Variants in SECISBP2 observed in about 807,000 individuals in gnomAD.
The protein encoded by SECISBP2 is SECIS binding protein 2.
A neutral mutation model predicts 98.2 loss-of-function variants in SECISBP2; 96 were observed. The observed-to-expected ratio is 0.98, with a 90% CI of 0.83 to 1.16. The LOEUF (loss-of-function observed/expected upper bound fraction) is 1.16, where lower values mean the gene tolerates loss of function less well. SECISBP2 is among the 50% of genes most tolerant of loss of function. SECISBP2 has a pLI of 0.00. For synonymous variants in SECISBP2, 407 were observed against 370.2 expected (o/e 1.10, Z -1.14); for missense variants, 1,046 against 1,022.9 (o/e 1.02, Z -0.31).
Position 89,332,976 on chromosome 9 carries a change from A to C in SECISBP2, c.870A>C (p.Ser290=), listed in dbSNP as rs147882471. Residue 290 remains serine (S), a synonymous_variant, in exon 6 of 17, where the codon TCA becomes TCC. Transcript: ENST00000375807. ...CTAATGCCGCTACCAATTCTCCTTC[A>C]TGTACAAGAGGTAAAAGTGGCTGCA... is the stretch of plus-strand genomic sequence containing the variant. ...VTANAATNSP[S]CTRELSWTPM... 68 of 1,613,556 alleles carry C rather than the reference A, an allele frequency of 4.2e-5. No individual in the cohort carries two copies. The highest frequency in any genetic ancestry group is 1.5e-4 in the African/African-American group (11 of 74,914).
At chr9:89,365,056 G>A in the SECISBP2 span, 1 of 152,464 alleles carries the variant, frequency 6.6e-6, no homozygotes, top group African/African-American at 2.4e-5. Flanking sequence ...TGTTGGGACA[G>A]GCTCAACTCC....
chr9:89,363,385 C>T (rs751947018), downstream of SECISBP2: 1 of 1,601,708 alleles, frequency 6.2e-7, no homozygotes, highest in South Asian at 1.1e-5. Flanking sequence ...GGTGCCCTGC[C>T]CCTGGCTCCA....
At chr9:89,342,486 G>A (rs749665864) in intron 10 of SECISBP2, among the ~76,000 whole-genome samples, 12 of 152,164 alleles carry the variant, frequency 7.9e-5, no homozygotes, top group Non-Finnish European at 1.6e-4. Flanking sequence ...GTTTGTTATG[G>A]CATTATTCAC....
chr9:89,353,277 T>G (rs1402132997), intron 14 of SECISBP2, among the ~76,000 whole-genome samples: 1 of 152,200 alleles, frequency 6.6e-6, no homozygotes, highest in East Asian at 1.9e-4. Flanking sequence ...TAGGATGATG[T>G]GGTTGGGCTG....
intron 14 of SECISBP2, among the ~76,000 whole-genome samples, chr9:89,356,015 G>A (rs183948805): frequency 6.6e-6 from 1 of 152,142 alleles, no homozygotes; most frequent in African/African-American, 2.4e-5. Context: ...GTGAAATCCC[G>A]TCTGTAGTAA....
At chr9:89,339,625 C>T (rs546083662) in intron 8 of SECISBP2, among the ~76,000 whole-genome samples, 5 of 152,208 alleles carry the variant, frequency 3.3e-5, no homozygotes, top group South Asian at 2.1e-4. Flanking sequence ...TTAGATCCCT[C>T]GGTGTACCAA....
In SECISBP2 at chr9:89,330,578, A is replaced by T. The variant is rs959419854; in HGVS notation, c.801+1692A>T. On this transcript the variant is annotated intron_variant, in intron 5 of 16. Transcript: ENST00000375807. ...GACAGTTGCTGGTAATGTGCAGAAGATAGGCCATTGTGTAGCAGTTTGCAT... is the reference window on the plus strand; with the variant it reads ...GACAGTTGCTGGTAATGTGCAGAAGTTAGGCCATTGTGTAGCAGTTTGCAT... The T allele has an allele frequency of 2.0e-5, 3 of 152,280 alleles. No individual in the cohort carries two copies. In the East Asian group the frequency reaches 5.8e-4, roughly 29 times the overall value. 9.4% of individuals were successfully genotyped at this position (152,280 alleles called of 1,614,324 possible). A position where few individuals can be genotyped will look rare whatever the true frequency, so the allele number is the denominator to read the frequency against.
chr9:89,334,863 G>T (rs1411840239), intron 7 of SECISBP2, 133 bp downstream of exon 7: 3 of 719,018 alleles, frequency 4.2e-6, no homozygotes, highest in Non-Finnish European at 7.4e-6. Context: ...AAGATGGATG[G>T]TGATGATGGT....
At chr9:89,345,953 G>C (rs770166217) in intron 10 of SECISBP2, among the ~76,000 whole-genome samples, 9 of 152,252 alleles carry the variant, frequency 5.9e-5, no homozygotes, top group Non-Finnish European at 1.2e-4. Context: ...GACCTGTGCA[G>C]GTTACGTTCT....
intron 14 of SECISBP2, 111 bp from the exon 15 acceptor site, chr9:89,357,300 A>G (rs1832238569): frequency 8.5e-7 from 1 of 1,171,996 alleles, no homozygotes; most frequent in Non-Finnish European, 1.3e-6. Context: ...TCTGCCTTGG[A>G]TATAAAATCA....
intron 12 of SECISBP2, among the ~76,000 whole-genome samples, chr9:89,348,954 G>C (rs991814235): frequency 6.6e-6 from 1 of 152,140 alleles, no homozygotes; most frequent in African/African-American, 2.4e-5. Flanking sequence ...TTAGAAACAG[G>C]GTTGCTGCGG....
At position 89,328,653 on chromosome 9, in the gene SECISBP2, A is replaced by G. The variant is rs1182289363; in HGVS notation, c.575-7A>G. The G allele has an allele frequency of 6.2e-7, 1 of 1,611,726 alleles. No individual in the cohort carries two copies. The highest frequency in any genetic ancestry group is 1.3e-5 in the African/African-American group (1 of 74,996). ...TTTTACTCTTACTTTTAATTTTGTA[A>G]TTACAGATGGTTACCATAAGCGAAC... On this transcript the variant is annotated splice_polypyrimidine_tract_variant and splice_region_variant and intron_variant, in intron 4 of 16. Transcript: ENST00000375807.
chr9:89,344,714 A>T (rs1470886847), intron 10 of SECISBP2, among the ~76,000 whole-genome samples: 1 of 152,020 alleles, frequency 6.6e-6, no homozygotes, highest in African/African-American at 2.4e-5. Context: ...CCTTCTTAGC[A>T]GTTGCTGTAG....
At chr9:89,334,073 T>TA in intron 6 of SECISBP2, 1 of 1,121,974 alleles carries the variant, frequency 8.9e-7, no homozygotes, top group South Asian at 2.1e-5. Context: ...TATGCCTCTG[T>TA]TCTAAAAGAA....
chr9:89,340,309 A>C (rs1012238867), intron 9 of SECISBP2, among the ~76,000 whole-genome samples: 9 of 152,170 alleles, frequency 5.9e-5, no homozygotes, highest in African/African-American at 2.2e-4. Flanking sequence ...GCAAGTCAGT[A>C]ATGTCTGACA....
rs550881820 is a variant in SECISBP2, at chr9:89,358,059, C to G, written c.2329C>G (p.Leu777Val). 1.2e-6 allele frequency: 2 copies of G among 1,613,800 alleles called. No individual in the cohort carries two copies. The highest frequency in any genetic ancestry group is 3.3e-5 in the Admixed American group (2 of 60,026). Reference protein sequence around the residue: ...VAARQAYKTMLENVQQELVGE... With the variant: ...VAARQAYKTMVENVQQELVGE... Reference sequence around the variant, plus strand: ...GGCCCGACAGGCGTACAAGACCATGCTGGAGAATGTGCAGCAGGAGCTGGT... The same window carrying G: ...GGCCCGACAGGCGTACAAGACCATGGTGGAGAATGTGCAGCAGGAGCTGGT... The change falls in exon 16 of 17, where the codon CTG becomes GTG. Residue 777 changes from leucine (L) to valine (V), a missense_variant. By Grantham distance (32) the Leu-to-Val change is conservative (BLOSUM62 1). Transcript: ENST00000375807.
At chr9:89,331,606 T>C (rs1827768189) in intron 5 of SECISBP2, among the ~76,000 whole-genome samples, 1 of 152,236 alleles carries the variant, frequency 6.6e-6, no homozygotes, top group African/African-American at 2.4e-5. Flanking sequence ...TCATTATATG[T>C]CTTATGTTTA....
chr9:89,360,419 G>A (rs1588038180), downstream of SECISBP2, among the ~76,000 whole-genome samples: 3 of 152,326 alleles, frequency 2.0e-5, no homozygotes, highest in Admixed American at 2.0e-4. Context: ...GCACTCAGCA[G>A]CTAGAATTTT....
intron 2 of SECISBP2, 200 bp from the exon 3 acceptor site, chr9:89,325,227 A>G (rs1414436663): frequency 3.4e-6 from 2 of 594,876 alleles, no homozygotes; most frequent in Non-Finnish European, 5.9e-6. Flanking sequence ...CATTAGTGAA[A>G]AAATAGAGTC....
Sources: gnomAD v4.1 joint callset for allele counts (sites outside exome capture counted in the v4.1 genomes callset) on GRCh38, gnomAD v4.1.1 for gene constraint, MANE v1.5 for transcripts, NCBI Gene and HGNC (gene_info 2026-07-23, HGNC 2026-07-21) for gene names.